Variants in AGMO observed in about 807,000 individuals in gnomAD.
AGMO encodes the protein glyceryl-ether monooxygenase.
In AGMO, 75 loss-of-function variants were observed where a neutral mutation model predicts 60.2. The observed-to-expected ratio is 1.25, with a 90% CI of 1.03 to 1.51. The LOEUF (loss-of-function observed/expected upper bound fraction) is 1.51, where lower values mean the gene tolerates loss of function less well. Ranked by LOEUF, AGMO falls within the 40% of genes most tolerant of loss-of-function variation. The probability of loss-of-function intolerance (pLI) is 0.00; values close to 1 mark genes in which losing one functional copy is unlikely to be tolerated. For synonymous variants in AGMO, 261 were observed against 177.1 expected, an observed-to-expected ratio of 1.47 and a Z score of -3.76; for missense variants, 763 against 525.5, an observed-to-expected ratio of 1.45 and a Z score of -4.42.
intron 4 of AGMO, among the ~76,000 whole-genome samples, chr7:15,420,966 G>A (rs1382760521): frequency 6.6e-6 from 1 of 152,140 alleles, no homozygotes; most frequent in Non-Finnish European, 1.5e-5. Context: ...ATGTGTTTGA[G>A]GAAAGAATGA....
chr7:15,241,973 A>G (rs1339793557), intron 12 of AGMO, among the ~76,000 whole-genome samples: 3 of 152,098 alleles, frequency 2.0e-5, no homozygotes, highest in East Asian at 3.9e-4. Context: ...CTTGTCACAT[A>G]TATTTCCTCC....
At chr7:15,449,122 C>A (rs1781788648) in intron 3 of AGMO, among the ~76,000 whole-genome samples, 2 of 152,140 alleles carry the variant, frequency 1.3e-5, no homozygotes, top group Admixed American at 6.5e-5. Flanking sequence ...AAAAGAAGAG[C>A]AACACCTTCA....
At chr7:15,236,016 G>A (rs1782408859) in intron 12 of AGMO, among the ~76,000 whole-genome samples, 1 of 152,062 alleles carries the variant, frequency 6.6e-6, no homozygotes, top group Non-Finnish European at 1.5e-5. Flanking sequence ...TCAAGAGCAA[G>A]TTTAAAATAC....
At chr7:15,121,856 G>A in the AGMO span, among the ~76,000 whole-genome samples, 2 of 152,032 alleles carry the variant, frequency 1.3e-5, no homozygotes, top group African/African-American at 2.4e-5. Context: ...AAACTGGCTA[G>A]CCACATGCAA....
At chr7:15,370,382 G>C (rs991307415) in intron 10 of AGMO, among the ~76,000 whole-genome samples, 2 of 152,116 alleles carry the variant, frequency 1.3e-5, no homozygotes, top group African/African-American at 4.8e-5. Context: ...GTGTCTTTTA[G>C]AGTGATTTAT....
At chr7:15,344,693 G>C (rs887591222) in intron 12 of AGMO, among the ~76,000 whole-genome samples, 1 of 152,132 alleles carries the variant, frequency 6.6e-6, no homozygotes, top group Non-Finnish European at 1.5e-5. Context: ...GCAAGATCCT[G>C]TCTCAAAGCA....
chr7:15,366,225 G>C lies in AGMO; in HGVS notation c.1075-3C>G, dbSNP rs991341411. 2 of 1,599,396 alleles carry C rather than the reference G, an allele frequency of 1.3e-6. No individual in the cohort carries two copies. Among genetic ancestry groups the C allele is most frequent in the Non-Finnish European group, 1.7e-6 (2 of 1,171,592 alleles). ...AGGAGAGTAACTTGCGACAGTGCCTGTCAAACAAACACGGAGATCAATGGA... is the reference window on the plus strand; with the variant it reads ...AGGAGAGTAACTTGCGACAGTGCCTCTCAAACAAACACGGAGATCAATGGA... On this transcript the variant is annotated splice_region_variant and splice_polypyrimidine_tract_variant and intron_variant, in intron 10 of 12. Transcript: ENST00000342526.
chr7:15,290,589 G>T (rs939488731), intron 12 of AGMO, among the ~76,000 whole-genome samples: 2 of 152,138 alleles, frequency 1.3e-5, no homozygotes, highest in African/African-American at 4.8e-5. Context: ...AAGGAACAGG[G>T]ACTGGGCCTA....
intron 5 of AGMO, among the ~76,000 whole-genome samples, chr7:15,410,003 A>G (rs1199224361): frequency 6.7e-6 from 1 of 148,590 alleles, no homozygotes; most frequent in East Asian, 1.9e-4. Flanking sequence ...ATAAATAAAT[A>G]ATAAATAAAT....
At chr7:15,236,616 C>A (rs990293286) in intron 12 of AGMO, among the ~76,000 whole-genome samples, 3 of 151,824 alleles carry the variant, frequency 2.0e-5, no homozygotes, top group Non-Finnish European at 4.4e-5. Flanking sequence ...CTTAAACAGG[C>A]CAGTCATCGA....
At chr7:15,199,084 G>A (rs1327709007), downstream of AGMO, among the ~76,000 whole-genome samples, 1 of 152,174 alleles carries the variant, frequency 6.6e-6, no homozygotes, top group Non-Finnish European at 1.5e-5. Flanking sequence ...CTCAGCCTGT[G>A]CCCAGGAATA....
rs1250556597 is a variant in AGMO at position 15,354,425 on chromosome 7, C to G, written c.1263+11089G>C. Among the ~76,000 whole-genome samples the G allele has an allele frequency of 4.7e-4, 11 of 23,192 alleles. 1 individual carries two copies. Among genetic ancestry groups the G allele is most frequent in the Non-Finnish European group, 5.0e-4 (8 of 15,870 alleles). 15.2% of individuals were successfully genotyped at this position (23,192 alleles called of 152,430 possible). ...GTGTGTACACACGTGTGTGTATACA[C>G]ACACGTGTGTGTATACACACGTGTG... is the stretch of plus-strand genomic sequence containing the variant. On this transcript the variant is annotated intron_variant, in intron 12 of 12. Transcript: ENST00000342526.
At chr7:15,189,974 T>C in the AGMO span, among the ~76,000 whole-genome samples, 1 of 150,708 alleles carries the variant, frequency 6.6e-6, no homozygotes, top group Non-Finnish European at 1.5e-5. Context: ...TTTTGGGACC[T>C]TCCCTGCTGT....
chr7:15,284,695 G>A (rs190211929), intron 12 of AGMO, among the ~76,000 whole-genome samples: 27 of 151,938 alleles, frequency 1.8e-4, no homozygotes, highest in African/African-American at 6.3e-4. Flanking sequence ...AGATTCAGAA[G>A]GATAGAATCC....
At chr7:15,130,371 C>T in the AGMO span, among the ~76,000 whole-genome samples, 8 of 151,184 alleles carry the variant, frequency 5.3e-5, 1 homozygote, top group South Asian at 1.3e-3. Context: ...TTTTTTCTCT[C>T]CTAGAACTAA....
chr7:15,321,516 T>C (rs1015122976), intron 12 of AGMO, among the ~76,000 whole-genome samples: 1 of 152,110 alleles, frequency 6.6e-6, no homozygotes, highest in African/African-American at 2.4e-5. Flanking sequence ...TGAGAATGTT[T>C]TTGAGGGGAG....
intron 12 of AGMO, among the ~76,000 whole-genome samples, chr7:15,310,539 GTTA>G (rs1254770558): frequency 6.6e-6 from 1 of 151,970 alleles, no homozygotes; most frequent in Non-Finnish European, 1.5e-5. Flanking sequence ...CCTATATCAT[GTTA>G]TTATAATATT....
the AGMO span, among the ~76,000 whole-genome samples, chr7:15,144,987 G>C: frequency 6.6e-6 from 1 of 152,060 alleles, no homozygotes; most frequent in South Asian, 2.1e-4. Flanking sequence ...CCGCCGCCAC[G>C]CTTTGCTAAT....
the AGMO span, among the ~76,000 whole-genome samples, chr7:15,138,783 CT>C: frequency 2.0e-5 from 3 of 152,032 alleles, no homozygotes; most frequent in African/African-American, 7.2e-5. Flanking sequence ...CCCATGGAGC[CT>C]TTACATAATA....
Sources: allele counts gnomAD v4.1 joint callset (sites outside exome capture counted in the v4.1 genomes callset), GRCh38; gene constraint gnomAD v4.1.1; transcripts MANE v1.5; gene names NCBI Gene and HGNC (gene_info 2026-07-23, HGNC 2026-07-21).